The following TOP3B variants were observed in gnomAD, a reference collection of about 807,000 sequenced individuals.
The protein encoded by TOP3B is DNA topoisomerase 3-beta-1.
TOP3B carries 45 observed loss-of-function variants against 93.9 expected under a neutral mutation model. The ratio of observed to expected loss-of-function variants is 0.48; its 90% CI spans 0.38 to 0.61. TOP3B has a LOEUF of 0.61. TOP3B is among the 20% of genes least tolerant of loss of function. The probability of loss-of-function intolerance (pLI) is 0.00; values close to 1 mark genes in which losing one functional copy is unlikely to be tolerated. For missense variants in TOP3B, 750 were observed against 1,156.1 expected (o/e 0.65, Z 5.09); for synonymous variants, 357 against 472.6 (o/e 0.76, Z 3.17).
rs761997464 is a variant in TOP3B at position 21,962,412 on chromosome 22, T to C, written c.1525+17A>G. 2.5e-6 allele frequency: 4 copies of C among 1,612,952 alleles called. No individual in the cohort carries two copies. Among genetic ancestry groups the C allele is most frequent in the Admixed American group, 1.7e-5 (1 of 60,030 alleles). On this transcript the variant is annotated intron_variant, in intron 13 of 17. Coordinates refer to ENST00000357179, the MANE Select transcript of TOP3B (RefSeq NM_001282112.2). ...TGGAGACGGAGCCGGCTCTGGGGCC[T>C]GGGCAGGCGCACCCACCGATGCCAT...
intron 9 of TOP3B, chr22:21,965,026 C>A: frequency 2.8e-6 from 1 of 360,004 alleles, no homozygotes; most frequent in Non-Finnish European, 5.0e-6. Context: ...GACGTTCACA[C>A]TGGTTCCCTG....
chr22:21,963,634 A>T lies in TOP3B; in HGVS notation c.1204+289T>A. On this transcript the variant is annotated intron_variant, in intron 11 of 17. Transcript: ENST00000357179. The surrounding 1 kb of genome is among the most constrained non-coding windows in gnomAD (Gnocchi z 4.8). ...CACCTTAGGCCAGCTGGGAGGTAGG[A>T]GGTGTGCTGCCCCCTCCCCCACACC... The T allele has an allele frequency of 4.6e-6, 2 of 434,590 alleles. No homozygotes were observed. The highest frequency in any genetic ancestry group is 4.1e-5 in the Admixed American group (1 of 24,368). The allele number at this position is 434,590 out of a possible 1,614,324, so 26.9% of individuals were successfully genotyped here.
chr22:21,957,871 G>A, intron 17 of TOP3B: 2 of 1,518,466 alleles, frequency 1.3e-6, no homozygotes, highest in South Asian at 2.4e-5. Context: ...TTTGCTGCCA[G>A]CTTGTTACTG....
rs535695672 is a variant in TOP3B, at chr22:21,974,641, G to A, written c.71-153C>T. 3 of 808,252 alleles carry A rather than the reference G, an allele frequency of 3.7e-6. No individual in the cohort carries two copies. In the Admixed American group the frequency reaches 8.8e-5, roughly 24 times the overall value. The allele number at this position is 808,252 out of a possible 1,614,324, so 50.1% of individuals were successfully genotyped here. A position where few individuals can be genotyped will look rare whatever the true frequency, so the allele number is the denominator to read the frequency against. The stretch of plus-strand genomic sequence containing the variant: ...TTCCGCAGACTGGTGCGGGTAGTTG[G>A]GCACTGAGAGGTGGGACGGCGCTCA... On this transcript the variant is annotated intron_variant, in intron 2 of 17. Coordinates refer to ENST00000357179, the MANE Select transcript of TOP3B (RefSeq NM_001282112.2).
intron 13 of TOP3B, chr22:21,962,106 C>A: frequency 7.8e-7 from 1 of 1,285,916 alleles, no homozygotes; most frequent in Non-Finnish European, 1.0e-6. Context: ...AGGGGACTGC[C>A]AATATGATTT....
intron 1 of TOP3B, among the ~76,000 whole-genome samples, chr22:21,977,917 AGGG>A (rs2071947506): frequency 6.6e-6 from 1 of 152,028 alleles, no homozygotes; most frequent in African/African-American, 2.4e-5. Context: ...GTATGGGAGC[AGGG>A]GAGGGACAGG....
chr22:21,960,672 A>T lies in TOP3B; in HGVS notation c.1526-223T>A, dbSNP rs2071136293. On this transcript the variant is annotated intron_variant, in intron 13 of 17. Coordinates refer to ENST00000357179, the MANE Select transcript of TOP3B (RefSeq NM_001282112.2). ...AACACAAGGGCAGCCCTCCCTGTAC[A>T]GGGCGCCTACTCCTGCTTTATGGCA... The T allele has an allele frequency of 5.1e-6, 3 of 593,024 alleles. No homozygotes were observed. The East Asian group carries it at 8.9e-5, about 18-fold the overall frequency. The allele number at this position is 593,024 out of a possible 1,614,324, so 36.7% of individuals were successfully genotyped here.
At position 21,971,149 on chromosome 22, in the gene TOP3B, G is replaced by T; in HGVS notation, c.384+728C>A. On this transcript the variant is annotated intron_variant, in intron 5 of 17. Coordinates refer to ENST00000357179, the MANE Select transcript of TOP3B (RefSeq NM_001282112.2). The surrounding 1 kb of genome is among the most constrained non-coding windows in gnomAD (Gnocchi z 4.6). ...GGAGGAGCCGCCCTGCAGGGGAGGA[G>T]AGGGTATCTGGGAAGAGACAGAGTG... 1 of 863,570 alleles carries T rather than the reference G, an allele frequency of 1.2e-6. No individual in the cohort carries two copies. Among genetic ancestry groups the T allele is most frequent in the Non-Finnish European group, 1.7e-6 (1 of 605,754 alleles). The allele number at this position is 863,570 out of a possible 1,614,324, so 53.5% of individuals were successfully genotyped here.
In TOP3B at chr22:21,970,471, C is replaced by T; in HGVS notation, c.385-65G>A. On this transcript the variant is annotated intron_variant, in intron 5 of 17. Transcript: ENST00000357179. This position sits in a 1 kb window ranked among gnomAD's most constrained non-coding sequence, Gnocchi z 4.4. ...ATCCCTGCCACAGCTCCCCACCCCA[C>T]TGTGAAGCCTGGTTCCTTCCAGGAA... The T allele has an allele frequency of 6.5e-7, 1 of 1,542,544 alleles. No homozygotes were observed. Among genetic ancestry groups the T allele is most frequent in the Non-Finnish European group, 8.8e-7 (1 of 1,132,304 alleles).
intron 1 of TOP3B, among the ~76,000 whole-genome samples, chr22:21,978,231 G>A (rs1041846014): frequency 3.3e-5 from 5 of 152,074 alleles, no homozygotes; most frequent in African/African-American, 1.2e-4. Flanking sequence ...ACCTGGGATG[G>A]CGGGACATGG....
intron 16 of TOP3B, 195 bp from the exon 17 acceptor site, chr22:21,958,888 T>C: frequency 9.2e-7 from 1 of 1,085,948 alleles, no homozygotes; most frequent in Non-Finnish European, 1.3e-6. Context: ...TGTGTGTACA[T>C]TAATGCCCAT....
In TOP3B at chr22:21,975,729, C is replaced by A. The variant is rs759538311; in HGVS notation, c.-20G>T. 3 of 1,598,660 alleles carry A rather than the reference C, an allele frequency of 1.9e-6. No individual in the cohort carries two copies. Among genetic ancestry groups the A allele is most frequent in the Non-Finnish European group, 2.6e-6 (3 of 1,169,038 alleles). On this transcript the variant is annotated 5_prime_UTR_variant, in exon 2 of 18. Coordinates refer to ENST00000357179, the MANE Select transcript of TOP3B (RefSeq NM_001282112.2). ...CTTCATTTTGTCTCGGTCCTTCACA[C>A]TCCAGTTTCGGGGCACTGGCAATGA...
intron 16 of TOP3B, 60 bp from the exon 17 acceptor site, chr22:21,958,753 C>T (rs1429024658): frequency 1.3e-6 from 2 of 1,509,436 alleles, no homozygotes; most frequent in African/African-American, 2.8e-5. Context: ...TGGCACCCAC[C>T]CCCACTCCTC....
Position 21,970,324 on chromosome 22 carries a change from G to A in TOP3B, c.467C>T (p.Thr156Met), listed in dbSNP as rs760649689. The change falls in exon 6 of 18, where the codon ACG (threonine) becomes ATG (methionine). Residue 156 changes from threonine to methionine, a missense_variant. Physicochemically the swap from Thr to Met is moderately conservative, Grantham distance 81 (BLOSUM62 -1). Transcript: ENST00000357179. This position sits in a 1 kb window ranked among gnomAD's most constrained non-coding sequence, Gnocchi z 4.4. ...CATGGCATTACAGATGTCTGTGTCC[G>A]TGATGGAGCTAAACCTGGCCCGGAA... ...TVFRARFSSI[T>M]DTDICNAMAC... 9 of 1,613,952 alleles carry A rather than the reference G, an allele frequency of 5.6e-6. No individual in the cohort carries two copies. Among genetic ancestry groups the A allele is most frequent in the Admixed American group, 1.7e-5 (1 of 59,992 alleles).
intron 11 of TOP3B, 68 bp from the exon 12 acceptor site, chr22:21,962,961 C>T (rs2071255856): frequency 6.3e-7 from 1 of 1,578,518 alleles, no homozygotes. Context: ...GCCCCCAGTA[C>T]TCTCGCTCGA....
At chr22:21,982,101 T>A (rs954213188) in intron 1 of TOP3B, 4 of 152,100 alleles carry the variant, frequency 2.6e-5, no homozygotes, top group African/African-American at 9.7e-5. Flanking sequence ...GGCAAAAGAA[T>A]CCCAGGACTG....
rs921154649 is a variant in TOP3B, at chr22:21,967,793, A to G, written c.739-77T>C. 3.2e-5 allele frequency: 37 copies of G among 1,144,812 alleles called. No homozygotes were observed. The African/African-American group carries it at 5.2e-4, about 16-fold the overall frequency. 70.9% of individuals were successfully genotyped at this position (1,144,812 alleles called of 1,614,324 possible). A position where few individuals can be genotyped will look rare whatever the true frequency, so the allele number is the denominator to read the frequency against. Reference sequence around the variant, plus strand: ...GCCCAACGCCAGGAAGAACCAGGACAGATGAAGCTGGTCCTTGTCTGGGAG... The same window carrying G: ...GCCCAACGCCAGGAAGAACCAGGACGGATGAAGCTGGTCCTTGTCTGGGAG... On this transcript the variant is annotated intron_variant, in intron 7 of 17. Transcript: ENST00000357179.
intron 16 of TOP3B, 87 bp from the exon 17 acceptor site, chr22:21,958,780 G>A (rs374054834): frequency 2.7e-6 from 4 of 1,462,742 alleles, no homozygotes; most frequent in Non-Finnish European, 9.0e-7. Context: ...TACAAAGTAT[G>A]TAATCTGTCA....
rs1378951675 is a variant in TOP3B at position 21,971,020 on chromosome 22, C to T, written c.385-614G>A. On this transcript the variant is annotated intron_variant, in intron 5 of 17. Transcript: ENST00000357179. This position sits in a 1 kb window ranked among gnomAD's most constrained non-coding sequence, Gnocchi z 4.6. Reference sequence around the variant, plus strand: ...GTGGGACTAGGGTCGCCGCCGGAGCCTGGCCACGCAGCTTCCTTACTGGGA... The same window carrying T: ...GTGGGACTAGGGTCGCCGCCGGAGCTTGGCCACGCAGCTTCCTTACTGGGA... 2 of 1,300,908 alleles carry T rather than the reference C, an allele frequency of 1.5e-6. No homozygotes were observed. The highest frequency in any genetic ancestry group is 1.5e-5 in the African/African-American group (1 of 65,892). 80.6% of individuals were successfully genotyped at this position (1,300,908 alleles called of 1,614,324 possible).
Sources: allele counts gnomAD v4.1 joint callset (sites outside exome capture counted in the v4.1 genomes callset), GRCh38; gene constraint gnomAD v4.1.1; non-coding constraint Gnocchi (gnomAD v3.1); transcripts MANE v1.5; gene names NCBI Gene and HGNC (gene_info 2026-07-23, HGNC 2026-07-21).